DCHS2: variants seen among roughly 807,000 people sequenced by gnomAD.
DCHS2 encodes dachsous cadherin-related 2.
Under a neutral mutation model 182.4 loss-of-function variants are expected in DCHS2, and 142 were observed. The observed-to-expected ratio is 0.78, with a 90% CI of 0.68 to 0.89. The LOEUF (loss-of-function observed/expected upper bound fraction) is 0.89, where lower values mean the gene tolerates loss of function less well. Among genes scored for constraint, DCHS2 ranks in the 40% least tolerant of loss-of-function variants. The pLI is 0.00. For missense variants in DCHS2, 4,319 were observed against 4,198.6 expected (o/e 1.03, Z -0.79); for synonymous variants, 1,740 against 1,663.3 (o/e 1.05, Z -1.12).
chr4:154,315,075 T>C (rs1375119941), intron 10 of DCHS2, among the ~76,000 whole-genome samples: 2 of 152,200 alleles, frequency 1.3e-5, no homozygotes, highest in African/African-American at 2.4e-5. Context: ...ATAGTAATTG[T>C]TTACTCCGAA....
Position 154,391,569 on chromosome 4 carries a change from CA to C in DCHS2, c.2053-14126del, listed in dbSNP as rs576636047. The stretch of plus-strand genomic sequence containing the variant: ...GAGAGGGACCATATGCAAATGGCAA[CA>C]AAAGTCCAGGCAAAAAGACAAGGCG... On this transcript the variant is annotated intron_variant, in intron 1 of 19. Transcript: ENST00000357232. Among the ~76,000 whole-genome samples, 26 of 152,230 alleles carry C rather than the reference CA, an allele frequency of 1.7e-4. No homozygotes were observed. In the South Asian group the frequency reaches 5.4e-3, roughly 32 times the overall value.
chr4:154,272,545 G>T (rs1449834779), intron 13 of DCHS2, among the ~76,000 whole-genome samples: 1 of 152,008 alleles, frequency 6.6e-6, no homozygotes, highest in African/African-American at 2.4e-5. Context: ...GTTCTCATGA[G>T]ATCTGATGGT....
intron 1 of DCHS2, chr4:154,391,310 C>T (rs922357923): frequency 6.4e-7 from 1 of 1,573,582 alleles, no homozygotes; most frequent in African/African-American, 1.3e-5. Flanking sequence ...TTTTAAATAT[C>T]TCCTATATGA....
chr4:154,487,272 C>G (rs1728621233), intron 1 of DCHS2, among the ~76,000 whole-genome samples: 1 of 152,156 alleles, frequency 6.6e-6, no homozygotes, highest in African/African-American at 2.4e-5. Flanking sequence ...CATACCCGGG[C>G]TCCTCTACAT....
intron 10 of DCHS2, among the ~76,000 whole-genome samples, chr4:154,307,464 CAT>C (rs1272805236): frequency 3.5e-4 from 48 of 138,520 alleles, no homozygotes; most frequent in African/African-American, 1.1e-3. Flanking sequence ...CACACACACA[CAT>C]ATCTACCTTC....
intron 5 of DCHS2, chr4:154,331,776 A>G (rs1736540590): frequency 5.3e-6 from 8 of 1,522,638 alleles, no homozygotes; most frequent in Middle Eastern, 1.7e-4. Context: ...GTACTACTCG[A>G]GCTATCTGAG....
intron 14 of DCHS2, among the ~76,000 whole-genome samples, chr4:154,266,839 G>A (rs1176813584): frequency 6.6e-6 from 1 of 152,130 alleles, no homozygotes; most frequent in African/African-American, 2.4e-5. Flanking sequence ...TGTCTACATT[G>A]TTCGTTCTGC....
intron 3 of DCHS2, among the ~76,000 whole-genome samples, chr4:154,342,386 T>C (rs1410045090): frequency 6.6e-6 from 1 of 152,184 alleles, no homozygotes; most frequent in Non-Finnish European, 1.5e-5. Flanking sequence ...GGTTGCCACA[T>C]TGATTGACTC....
At chr4:154,356,942 G>A (rs1177665810) in intron 3 of DCHS2, among the ~76,000 whole-genome samples, 3 of 152,094 alleles carry the variant, frequency 2.0e-5, no homozygotes, top group Non-Finnish European at 4.4e-5. Context: ...CAGGTCAGAA[G>A]TAGTTGGCTT....
rs1732392652 is a variant in DCHS2, at chr4:154,406,205, C to T, written c.2053-28761G>A. On this transcript the variant is annotated intron_variant, in intron 1 of 19. Transcript: ENST00000357232. Reference sequence around the variant, plus strand: ...TAGGCCATGGTCCTATGGTAAACACCCACGCAGATTCTCAGAACTTCCCTC... The same window carrying T: ...TAGGCCATGGTCCTATGGTAAACACTCACGCAGATTCTCAGAACTTCCCTC... Among the ~76,000 whole-genome samples the T allele has an allele frequency of 2.0e-5, 3 of 152,236 alleles. No individual in the cohort carries two copies. In the South Asian group the frequency reaches 6.2e-4, roughly 31 times the overall value.
intron 13 of DCHS2, among the ~76,000 whole-genome samples, chr4:154,271,443 AG>A (rs1312372504): frequency 6.6e-6 from 1 of 152,198 alleles, no homozygotes; most frequent in African/African-American, 2.4e-5. Context: ...TAAGTGGATG[AG>A]CAGATCCTCG....
intron 1 of DCHS2, among the ~76,000 whole-genome samples, chr4:154,430,697 C>T (rs1320916567): frequency 1.3e-5 from 2 of 152,162 alleles, no homozygotes; most frequent in Non-Finnish European, 2.9e-5. Flanking sequence ...ATGTATCCAT[C>T]CCCCACTTAT....
In DCHS2 at chr4:154,429,847, C is replaced by T. The variant is rs182726664; in HGVS notation, c.2053-52403G>A. Among the ~76,000 whole-genome samples the T allele has an allele frequency of 2.8e-3, 419 of 152,298 alleles. 2 individuals are homozygous for T. The highest frequency in any genetic ancestry group is 9.6e-3 in the African/African-American group (400 of 41,564). ...AATAAATCCCTGCTGGGCTTTTCCC[C>T]TAGCTCTCCTCCTTACTAGCTGTGT... On this transcript the variant is annotated intron_variant, in intron 1 of 19. Transcript: ENST00000357232.
At chr4:154,318,324 G>C (rs1352449037) in intron 9 of DCHS2, among the ~76,000 whole-genome samples, 1 of 151,442 alleles carries the variant, frequency 6.6e-6, no homozygotes, top group African/African-American at 2.4e-5. Flanking sequence ...ATCATTTTAA[G>C]AGAAAAAAAA....
At chr4:154,374,884 C>T (rs752071204) in intron 2 of DCHS2, among the ~76,000 whole-genome samples, 12 of 152,084 alleles carry the variant, frequency 7.9e-5, no homozygotes, top group South Asian at 2.1e-4. Context: ...AAAATCAAAG[C>T]GCAGAACGGT....
At chr4:154,386,049 C>T (rs775195486) in intron 1 of DCHS2, among the ~76,000 whole-genome samples, 1 of 152,146 alleles carries the variant, frequency 6.6e-6, no homozygotes, top group Non-Finnish European at 1.5e-5. Flanking sequence ...TCCCACCCCA[C>T]TCCACCCCAC....
chr4:154,413,955 T>C (rs927841578), intron 1 of DCHS2, among the ~76,000 whole-genome samples: 5 of 152,218 alleles, frequency 3.3e-5, no homozygotes, highest in African/African-American at 1.2e-4. Flanking sequence ...TATATCTGCT[T>C]TATTTTCCTT....
At chr4:154,340,217 A>C (rs1329264602) in intron 3 of DCHS2, among the ~76,000 whole-genome samples, 1 of 152,202 alleles carries the variant, frequency 6.6e-6, no homozygotes, top group Non-Finnish European at 1.5e-5. Flanking sequence ...TCTACAAAAA[A>C]TTTCAAGAAT....
intron 1 of DCHS2, among the ~76,000 whole-genome samples, chr4:154,402,455 A>T (rs887906759): frequency 3.2e-4 from 48 of 152,214 alleles, no homozygotes; most frequent in African/African-American, 1.1e-3. Context: ...GGTATAGATC[A>T]ATTTGGGAAG....
Sources: allele counts gnomAD v4.1 joint callset (sites outside exome capture counted in the v4.1 genomes callset), GRCh38; gene constraint gnomAD v4.1.1; transcripts MANE v1.5; gene names NCBI Gene and HGNC (gene_info 2026-07-23, HGNC 2026-07-21).